PCDH15: variants seen among roughly 807,000 people sequenced by gnomAD.
PCDH15 encodes the protein protocadherin-15.
In PCDH15, 129 loss-of-function variants were observed where a neutral mutation model predicts 178.5. The ratio of observed to expected loss-of-function variants is 0.72; its 90% CI spans 0.63 to 0.84. The LOEUF is 0.84. Among genes scored for constraint, PCDH15 ranks in the 40% least tolerant of loss-of-function variants. The pLI is 0.00. For missense variants in PCDH15, 2,230 were observed against 2,099.9 expected, an observed-to-expected ratio of 1.06 and a Z score of -1.21; for synonymous variants, 800 against 732.0, an observed-to-expected ratio of 1.09 and a Z score of -1.50.
Position 55,011,713 on chromosome 10 carries a change from G to A in PCDH15, c.-79-114213C>T, listed in dbSNP as rs140616018. Among the ~76,000 whole-genome samples the A allele has an allele frequency of 6.6e-4, 100 of 152,042 alleles. 1 individual carries two copies. In the East Asian group the frequency reaches 0.019, roughly 29 times the overall value. On this transcript the variant is annotated intron_variant, in intron 2 of 5. Coordinates refer to the PCDH15 transcript ENST00000458638. ...GGAAGAAATAGAAGTACATTAATAG[G>A]TCATGATGTCAATAAGAGGAGTGGA...
chr10:54,872,063 A>T (rs1954049525), intron 3 of PCDH15, among the ~76,000 whole-genome samples: 1 of 152,116 alleles, frequency 6.6e-6, no homozygotes, highest in Non-Finnish European at 1.5e-5. Context: ...ACAAGTGGTT[A>T]TATTTAAGAA....
intron 2 of PCDH15, among the ~76,000 whole-genome samples, chr10:54,949,802 A>G (rs111535372): frequency 2.6e-4 from 40 of 152,042 alleles, no homozygotes; most frequent in African/African-American, 8.4e-4. Context: ...CAGGGGCCAA[A>G]TGCTGCCAGT....
chr10:55,065,304 A>T (rs1050623798), intron 2 of PCDH15, among the ~76,000 whole-genome samples: 4 of 151,936 alleles, frequency 2.6e-5, no homozygotes, highest in African/African-American at 7.2e-5. Flanking sequence ...AAATTATTGA[A>T]CTCCTTTTCC....
At chr10:55,539,103 C>G (rs1479807442) in intron 2 of PCDH15, among the ~76,000 whole-genome samples, 1 of 149,166 alleles carries the variant, frequency 6.7e-6, no homozygotes, top group Admixed American at 6.7e-5. Flanking sequence ...TTGCTTCCTT[C>G]CTTCCTTCTT....
chr10:54,992,426 C>A (rs1839524130), intron 2 of PCDH15, among the ~76,000 whole-genome samples: 1 of 152,140 alleles, frequency 6.6e-6, no homozygotes, highest in Non-Finnish European at 1.5e-5. Context: ...CCGCCCTCAG[C>A]AACATCCTCT....
chr10:54,327,370 T>G (rs983832058), intron 7 of PCDH15, among the ~76,000 whole-genome samples: 2 of 150,800 alleles, frequency 1.3e-5, no homozygotes, highest in Non-Finnish European at 3.0e-5. Flanking sequence ...TTCACTCTGC[T>G]CTATGTTACA....
At chr10:54,179,928 C>T (rs2047824254) in intron 13 of PCDH15, among the ~76,000 whole-genome samples, 1 of 152,152 alleles carries the variant, frequency 6.6e-6, no homozygotes, top group East Asian at 1.9e-4. Context: ...ATATTAAAAT[C>T]TGTATCCTGT....
intron 7 of PCDH15, among the ~76,000 whole-genome samples, chr10:54,324,600 T>C (rs1173030004): frequency 6.6e-6 from 1 of 151,970 alleles, no homozygotes. Flanking sequence ...ACTCCGTTTC[T>C]ACTAAAAATA....
intron 1 of PCDH15, among the ~76,000 whole-genome samples, chr10:54,706,059 A>T (rs111531610): frequency 0.017 from 2,639 of 152,300 alleles, 36 homozygotes; most frequent in Admixed American, 0.026. Context: ...TCAGATGTAT[A>T]AAGCTGAGTC....
intron 15 of PCDH15, among the ~76,000 whole-genome samples, chr10:54,099,373 G>A (rs1280169532): frequency 7.9e-5 from 12 of 151,418 alleles, no homozygotes; most frequent in South Asian, 2.1e-4. Context: ...GGTGGTGGGC[G>A]CCTGTAGTCC....
chr10:54,846,337 T>C (rs143204674), intron 3 of PCDH15, among the ~76,000 whole-genome samples: 2 of 152,312 alleles, frequency 1.3e-5, no homozygotes, highest in East Asian at 3.9e-4. Context: ...CACCCATGTG[T>C]GTGGCCACTT....
At chr10:55,006,086 AT>A (rs1054341891) in intron 2 of PCDH15, among the ~76,000 whole-genome samples, 1 of 151,992 alleles carries the variant, frequency 6.6e-6, no homozygotes, top group East Asian at 1.9e-4. Context: ...CAAATTTATC[AT>A]TTTTTGGAGT....
intron 2 of PCDH15, among the ~76,000 whole-genome samples, chr10:55,473,649 C>A (rs1271903968): frequency 6.6e-6 from 1 of 152,090 alleles, no homozygotes; most frequent in Non-Finnish European, 1.5e-5. Flanking sequence ...GTGAAAATAA[C>A]CCCTATTGGT....
In PCDH15 at chr10:55,476,654, T is replaced by C. The variant is rs374641488; in HGVS notation, c.-156+150971A>G. On this transcript the variant is annotated intron_variant, in intron 2 of 5. Coordinates refer to the PCDH15 transcript ENST00000613346. ...AAAAAACATATAGAAAAAAATCAGG[T>C]GGATTGATATATTGTTTGGCTTTGG... Among the ~76,000 whole-genome samples the C allele has an allele frequency of 3.9e-5, 6 of 152,048 alleles. No homozygotes were observed. In the East Asian group the frequency reaches 7.8e-4, roughly 20 times the overall value.
intron 1 of PCDH15, among the ~76,000 whole-genome samples, chr10:55,293,879 C>T (rs1843072460): frequency 6.6e-6 from 1 of 152,194 alleles, no homozygotes; most frequent in South Asian, 2.1e-4. Context: ...GTTCCCATCT[C>T]TGCCTGTTAC....
At chr10:55,566,852 C>A (rs1027716116) in intron 2 of PCDH15, among the ~76,000 whole-genome samples, 4 of 151,794 alleles carry the variant, frequency 2.6e-5, no homozygotes, top group African/African-American at 9.7e-5. Flanking sequence ...GTCAACACCA[C>A]AGATTCAATG....
intron 2 of PCDH15, among the ~76,000 whole-genome samples, chr10:55,430,594 C>T (rs1838859372): frequency 1.3e-5 from 2 of 151,988 alleles, no homozygotes; most frequent in African/African-American, 4.8e-5. Context: ...TCTGTTTTTA[C>T]CCACGAAGGC....
intron 21 of PCDH15, among the ~76,000 whole-genome samples, chr10:53,978,663 T>G (rs1434481383): frequency 1.1e-4 from 17 of 151,914 alleles, no homozygotes; most frequent in Non-Finnish European, 1.8e-4. Flanking sequence ...AAATGTTTTT[T>G]TTTTTTTTTT....
At chr10:55,463,403 T>C (rs1221166741) in intron 2 of PCDH15, among the ~76,000 whole-genome samples, 4 of 152,080 alleles carry the variant, frequency 2.6e-5, no homozygotes, top group Non-Finnish European at 5.9e-5. Context: ...TCCTGGCATT[T>C]TGAAGGCTGA....
Sources: gnomAD v4.1 joint callset for allele counts (sites outside exome capture counted in the v4.1 genomes callset) on GRCh38, gnomAD v4.1.1 for gene constraint, MANE v1.5 for transcripts, NCBI Gene and HGNC (gene_info 2026-07-23, HGNC 2026-07-21) for gene names.